Variants in FSD2 observed in about 807,000 individuals in gnomAD.
FSD2 encodes the protein fibronectin type III and SPRY domain-containing protein 2.
FSD2 carries 71 observed loss-of-function variants against 80.4 expected under a neutral mutation model. That is an observed-to-expected ratio of 0.88 (90% CI 0.73 to 1.08). The LOEUF is 1.08. Among genes scored for constraint, FSD2 ranks in the 50% least tolerant of loss-of-function variants. The probability of loss-of-function intolerance (pLI) is 0.00; values close to 1 mark genes in which losing one functional copy is unlikely to be tolerated. For synonymous variants in FSD2, 361 were observed against 329.5 expected, an observed-to-expected ratio of 1.10 and a Z score of -1.03; for missense variants, 923 against 913.8, an observed-to-expected ratio of 1.01 and a Z score of -0.13.
At position 82,760,275 on chromosome 15, in the gene FSD2, G is replaced by A. The variant is rs534990751; in HGVS notation, c.1998-675C>T. Among the ~76,000 whole-genome samples, 3 of 152,280 alleles carry A rather than the reference G, an allele frequency of 2.0e-5. No individual in the cohort carries two copies. The East Asian group carries it at 5.8e-4, about 29-fold the overall frequency. On this transcript the variant is annotated intron_variant, in intron 12 of 12. Transcript: ENST00000334574. The stretch of plus-strand genomic sequence containing the variant: ...TCCATGTGATAAAATGGGCTTCTTG[G>A]TATAAGCTCTTCTATGCACAGTTAC...
intron 1 of FSD2, among the ~76,000 whole-genome samples, chr15:82,804,410 G>T (rs1189426289): frequency 1.3e-5 from 2 of 152,192 alleles, no homozygotes; most frequent in Non-Finnish European, 2.9e-5. Context: ...CTGAGATCTT[G>T]TGAGGATAAA....
chr15:82,798,309 C>T (rs775883583), intron 1 of FSD2, among the ~76,000 whole-genome samples: 2 of 152,086 alleles, frequency 1.3e-5, no homozygotes, highest in African/African-American at 2.4e-5. Context: ...CTTGCCACTG[C>T]ACTCCAGCCT....
rs1486890073 is a variant in FSD2 at position 82,787,439 on chromosome 15, C to T, written c.-49G>A. On this transcript the variant is annotated 5_prime_UTR_variant, in exon 2 of 13. Coordinates refer to ENST00000334574, the MANE Select transcript of FSD2 (RefSeq NM_001007122.4). ...GCACCTTTATATAAGAAAGATCCTTCCTGGACACTTAATAGTGAATATCTG... is the reference window on the plus strand; with the variant it reads ...GCACCTTTATATAAGAAAGATCCTTTCTGGACACTTAATAGTGAATATCTG... 1.3e-6 allele frequency: 2 copies of T among 1,514,490 alleles called. No homozygotes were observed. The highest frequency in any genetic ancestry group is 2.3e-5 in the East Asian group (1 of 44,160). 93.8% of individuals were successfully genotyped at this position (1,514,490 alleles called of 1,614,324 possible).
chr15:82,793,244 G>A (rs1057371725), intron 1 of FSD2, among the ~76,000 whole-genome samples: 1 of 151,546 alleles, frequency 6.6e-6, no homozygotes, highest in Admixed American at 6.6e-5. Context: ...GGGATTACAG[G>A]TACCTGGCAC....
At chr15:82,801,720 C>T (rs2050417464) in intron 1 of FSD2, among the ~76,000 whole-genome samples, 4 of 152,160 alleles carry the variant, frequency 2.6e-5, no homozygotes, top group Admixed American at 1.3e-4. Context: ...GAACATCACT[C>T]TTGGAGTTCT....
intron 6 of FSD2, 105 bp from the exon 7 acceptor site, chr15:82,772,333 T>C (rs1157658039): frequency 2.5e-6 from 3 of 1,208,856 alleles, no homozygotes; most frequent in East Asian, 5.1e-5. Flanking sequence ...CCACAGCCTT[T>C]GGGAATGGAA....
intron 1 of FSD2, among the ~76,000 whole-genome samples, chr15:82,792,847 G>A (rs866530778): frequency 6.6e-5 from 10 of 152,188 alleles, no homozygotes; most frequent in Admixed American, 4.6e-4. Flanking sequence ...ATTTTGCTGA[G>A]GAATTTTGAA....
chr15:82,772,119 C>T lies in FSD2; in HGVS notation c.1221G>A (p.Leu407=). The change falls in exon 7 of 13, where the codon CTG becomes CTA. Residue 407 remains leucine (L), a synonymous_variant. Transcript: ENST00000334574. ...YSDDTVESYQ[L]SYRPVQDSSP... ...AGCTGTCCTGCACTGGCCGGTAGGA[C>T]AGCTGATAGCTCTCCACAGTGTCGT... The T allele has an allele frequency of 6.2e-7, 1 of 1,606,204 alleles. No homozygotes were observed. The highest frequency in any genetic ancestry group is 8.5e-7 in the Non-Finnish European group (1 of 1,177,088).
chr15:82,785,466 A>G (rs1788470367), intron 3 of FSD2, among the ~76,000 whole-genome samples: 1 of 151,944 alleles, frequency 6.6e-6, no homozygotes, highest in African/African-American at 2.4e-5. Flanking sequence ...CTGGGACTAC[A>G]GGCACATGGC....
intron 12 of FSD2, among the ~76,000 whole-genome samples, chr15:82,760,404 G>C (rs1390640114): frequency 6.6e-6 from 1 of 152,062 alleles, no homozygotes; most frequent in Non-Finnish European, 1.5e-5. Flanking sequence ...TTGAAAAATG[G>C]CAGAAATGAA....
intron 7 of FSD2, among the ~76,000 whole-genome samples, chr15:82,770,127 A>G (rs2049529913): frequency 6.6e-6 from 1 of 152,178 alleles, no homozygotes; most frequent in Non-Finnish European, 1.5e-5. Context: ...ATAACAAACG[A>G]TGCAAGCAGA....
Position 82,786,773 on chromosome 15 carries a change from A to G in FSD2, c.618T>C (p.Asn206=). The part of the protein sequence containing the change: ...EHKEHEVIPL[N]EALESAKDEI... Reference sequence around the variant, plus strand: ...TTACCTTGGCACTTTCCAGTGCTTCATTGAGTGGGATCACTTCATGCTCCT... The same window carrying G: ...TTACCTTGGCACTTTCCAGTGCTTCGTTGAGTGGGATCACTTCATGCTCCT... The change falls in exon 2 of 13, where the codon AAT becomes AAC. Residue 206 remains asparagine (N), a synonymous_variant. Coordinates refer to ENST00000334574, the MANE Select transcript of FSD2 (RefSeq NM_001007122.4). 1.9e-6 allele frequency: 3 copies of G among 1,613,826 alleles called. 1 individual carries two copies. The highest frequency in any genetic ancestry group is 1.1e-5 in the South Asian group (1 of 91,082).
At chr15:82,762,589 A>G (rs775859152) in intron 11 of FSD2, among the ~76,000 whole-genome samples, 1 of 152,242 alleles carries the variant, frequency 6.6e-6, no homozygotes, top group Non-Finnish European at 1.5e-5. Flanking sequence ...TTCATAAAAA[A>G]AGAAAAGGGT....
At chr15:82,763,857 TG>T (rs1337248722) in intron 11 of FSD2, among the ~76,000 whole-genome samples, 7 of 152,234 alleles carry the variant, frequency 4.6e-5, no homozygotes, top group Non-Finnish European at 1.0e-4. Context: ...CCGACTTTCC[TG>T]CCTCATCTTC....
intron 1 of FSD2, among the ~76,000 whole-genome samples, chr15:82,802,403 C>G (rs925518068): frequency 1.3e-5 from 2 of 152,210 alleles, no homozygotes. Flanking sequence ...CATCCTGAAT[C>G]CCTTGTTGTA....
At chr15:82,774,060 TCA>T (rs2049654214) in intron 6 of FSD2, among the ~76,000 whole-genome samples, 2 of 152,094 alleles carry the variant, frequency 1.3e-5, no homozygotes, top group South Asian at 4.1e-4. Flanking sequence ...AAATAAGTAA[TCA>T]CAATAATATT....
chr15:82,790,512 T>C (rs1047578081), intron 1 of FSD2, among the ~76,000 whole-genome samples: 10 of 152,044 alleles, frequency 6.6e-5, no homozygotes, highest in African/African-American at 2.2e-4. Flanking sequence ...GACTCCAAAG[T>C]CCATGCTTTC....
intron 1 of FSD2, among the ~76,000 whole-genome samples, chr15:82,793,964 T>G (rs1488820119): frequency 6.6e-6 from 1 of 152,060 alleles, no homozygotes; most frequent in Non-Finnish European, 1.5e-5. Context: ...TTTCTTTAAT[T>G]TTCCCTATTG....
intron 1 of FSD2, among the ~76,000 whole-genome samples, chr15:82,803,957 T>C (rs1193841210): frequency 2.0e-5 from 3 of 152,190 alleles, no homozygotes; most frequent in African/African-American, 4.8e-5. Flanking sequence ...CCTCATAAGG[T>C]TGGCATTTAG....
Sources: allele counts gnomAD v4.1 joint callset (sites outside exome capture counted in the v4.1 genomes callset), GRCh38; gene constraint gnomAD v4.1.1; transcripts MANE v1.5; gene names NCBI Gene and HGNC (gene_info 2026-07-23, HGNC 2026-07-21).